PEPD: variants seen among roughly 807,000 people sequenced by gnomAD.
PEPD encodes the protein xaa-Pro dipeptidase.
PEPD carries 53 observed loss-of-function variants against 60.7 expected under a neutral mutation model. The observed-to-expected ratio is 0.87, with a 90% CI of 0.70 to 1.10. The LOEUF (loss-of-function observed/expected upper bound fraction) is 1.10. Ranked by LOEUF, PEPD falls within the 50% of genes least tolerant of loss-of-function variation. PEPD has a pLI of 0.00. For synonymous variants in PEPD, 267 were observed against 284.1 expected (o/e 0.94, Z 0.60); for missense variants, 711 against 711.9 (o/e 1.00, Z 0.01).
At chr19:33,463,390 C>T (rs1267208667) in intron 8 of PEPD, among the ~76,000 whole-genome samples, 2 of 152,220 alleles carry the variant, frequency 1.3e-5, no homozygotes, top group Non-Finnish European at 2.9e-5. Context: ...CACTAAAAGG[C>T]CTCCTTTGTT....
chr19:33,441,666 A>G (rs1282339004), intron 9 of PEPD, among the ~76,000 whole-genome samples: 1 of 152,176 alleles, frequency 6.6e-6, no homozygotes, highest in African/African-American at 2.4e-5. Flanking sequence ...TTGGGGCTGC[A>G]GCAATGGCCC....
chr19:33,517,892 G>A (rs1268421876), intron 1 of PEPD, among the ~76,000 whole-genome samples: 4 of 151,976 alleles, frequency 2.6e-5, no homozygotes, highest in Middle Eastern at 3.4e-3. Flanking sequence ...ACTTGAACCC[G>A]GGAGGCGGAG....
At position 33,399,793 on chromosome 19, in the gene PEPD, G is replaced by T. The variant is rs547732121; in HGVS notation, c.967+1928C>A. On this transcript the variant is annotated intron_variant, in intron 12 of 14. Coordinates refer to ENST00000244137, the MANE Select transcript of PEPD (RefSeq NM_000285.4). ...CTTTCTTCTTTTTTCCTTGAACACT[G>T]AGGGCGCACTTGGCAGCTGCCAGCT... is the stretch of plus-strand genomic sequence containing the variant. 7.9e-5 allele frequency among the ~76,000 whole-genome samples: 12 copies of T among 152,244 alleles called. No individual in the cohort carries two copies. The South Asian group carries it at 1.9e-3, about 24-fold the overall frequency.
chr19:33,401,658 G>C, intron 12 of PEPD, 63 bp downstream of exon 12: 7 of 1,488,414 alleles, frequency 4.7e-6, no homozygotes, highest in Non-Finnish European at 6.4e-6. Context: ...GCAGGCACCT[G>C]CCACATAGCA....
intron 3 of PEPD, among the ~76,000 whole-genome samples, chr19:33,507,815 C>G (rs1386202668): frequency 1.3e-5 from 2 of 152,114 alleles, no homozygotes; most frequent in African/African-American, 4.8e-5. Context: ...TACAACTGAG[C>G]CTTCTCTCCT....
At chr19:33,480,114 A>AT (rs1970287135) in intron 6 of PEPD, among the ~76,000 whole-genome samples, 1 of 152,224 alleles carries the variant, frequency 6.6e-6, no homozygotes, top group African/African-American at 2.4e-5. Context: ...GCCAGACAGA[A>AT]TGATTTTTTA....
chr19:33,492,938 G>A (rs911172629), intron 5 of PEPD, among the ~76,000 whole-genome samples: 8 of 152,110 alleles, frequency 5.3e-5, no homozygotes, highest in African/African-American at 1.7e-4. Flanking sequence ...GCACAGTGGC[G>A]CGATCATACC....
intron 7 of PEPD, among the ~76,000 whole-genome samples, chr19:33,464,589 T>A (rs1415877334): frequency 6.6e-6 from 1 of 152,116 alleles, no homozygotes; most frequent in Non-Finnish European, 1.5e-5. Context: ...TGTGTGCTGG[T>A]ACAAATGTGG....
intron 4 of PEPD, among the ~76,000 whole-genome samples, chr19:33,499,963 T>C (rs990181476): frequency 3.3e-5 from 5 of 152,226 alleles, no homozygotes; most frequent in African/African-American, 1.2e-4. Context: ...TCAACCAGGC[T>C]GTGTCCTGCC....
chr19:33,398,787 A>T (rs1427878602), intron 12 of PEPD, among the ~76,000 whole-genome samples: 1 of 152,228 alleles, frequency 6.6e-6, no homozygotes, highest in East Asian at 1.9e-4. Context: ...AAGAATAAGA[A>T]GGGACGCAGC....
intron 9 of PEPD, among the ~76,000 whole-genome samples, chr19:33,428,013 C>T (rs1478768240): frequency 1.3e-5 from 2 of 152,070 alleles, no homozygotes; most frequent in Admixed American, 1.3e-4. Flanking sequence ...CTCTGGGCAG[C>T]ACTCTCCTGG....
intron 4 of PEPD, among the ~76,000 whole-genome samples, chr19:33,500,013 C>G (rs1970679111): frequency 6.6e-6 from 1 of 152,226 alleles, no homozygotes; most frequent in South Asian, 2.1e-4. Context: ...AGAACTGGCT[C>G]CCCTGGCCAC....
chr19:33,494,269 T>C (rs1038220264), intron 4 of PEPD, among the ~76,000 whole-genome samples: 1 of 152,170 alleles, frequency 6.6e-6, no homozygotes, highest in Non-Finnish European at 1.5e-5. Flanking sequence ...CTATCCTAAC[T>C]CTTTACACCC....
intron 9 of PEPD, among the ~76,000 whole-genome samples, chr19:33,462,289 G>A (rs1335161026): frequency 2.0e-5 from 3 of 152,260 alleles, no homozygotes; most frequent in Admixed American, 6.5e-5. Flanking sequence ...AGCCTCTTCA[G>A]TGTCACCTCC....
At position 33,446,808 on chromosome 19, in the gene PEPD, G is replaced by A. The variant is rs371381816; in HGVS notation, c.671+16187C>T. On this transcript the variant is annotated intron_variant, in intron 9 of 14. Coordinates refer to ENST00000244137, the MANE Select transcript of PEPD (RefSeq NM_000285.4). The stretch of plus-strand genomic sequence containing the variant: ...TCTGCTGATAGGGTCCCAGGACCAC[G>A]GCTTTCCGATGTGCCTCCCACTGTC... 5.3e-5 allele frequency among the ~76,000 whole-genome samples: 8 copies of A among 152,328 alleles called. No homozygotes were observed. In the South Asian group the frequency reaches 1.0e-3, roughly 20 times the overall value.
At chr19:33,398,698 C>G (rs1415327881) in intron 12 of PEPD, among the ~76,000 whole-genome samples, 1 of 152,236 alleles carries the variant, frequency 6.6e-6, no homozygotes, top group Non-Finnish European at 1.5e-5. Context: ...AGGAGTGGCG[C>G]CCCTGGGCGA....
At chr19:33,410,880 G>C (rs1968748998) in intron 11 of PEPD, among the ~76,000 whole-genome samples, 1 of 152,106 alleles carries the variant, frequency 6.6e-6, no homozygotes, top group African/African-American at 2.4e-5. Context: ...GCACTGCCTG[G>C]GCTGGCCCTG....
rs912639740 is a variant in PEPD, at chr19:33,425,955, G to A, written c.672-12312C>T. ...CTCCTGAGTAGCTAGGACTACTGGT[G>A]TGCACAACCACACCTGGCTAATTTA... is the stretch of plus-strand genomic sequence containing the variant. On this transcript the variant is annotated intron_variant, in intron 9 of 14. Coordinates refer to ENST00000244137, the MANE Select transcript of PEPD (RefSeq NM_000285.4). Among the ~76,000 whole-genome samples, 13 of 152,264 alleles carry A rather than the reference G, an allele frequency of 8.5e-5. 1 individual carries two copies. The highest frequency in any genetic ancestry group is 4.6e-4 in the Admixed American group (7 of 15,302).
At chr19:33,459,240 C>A (rs980546718) in intron 9 of PEPD, among the ~76,000 whole-genome samples, 1 of 152,112 alleles carries the variant, frequency 6.6e-6, no homozygotes, top group Admixed American at 6.5e-5. Context: ...TTCTCATGAC[C>A]CCCCAGAAAC....
Sources: gnomAD v4.1 joint callset for allele counts (sites outside exome capture counted in the v4.1 genomes callset) on GRCh38, gnomAD v4.1.1 for gene constraint, MANE v1.5 for transcripts, NCBI Gene and HGNC (gene_info 2026-07-23, HGNC 2026-07-21) for gene names.